Variants in RYR3 observed in about 807,000 individuals in gnomAD.
RYR3 encodes brain ryanodine receptor-calcium release channel.
A neutral mutation model predicts 584.3 loss-of-function variants in RYR3; 207 were observed. The observed-to-expected ratio is 0.35, with a 90% CI of 0.32 to 0.40. The LOEUF (loss-of-function observed/expected upper bound fraction) is 0.40, where lower values mean the gene tolerates loss of function less well. RYR3 is among the 10% of genes least tolerant of loss of function. The pLI is 1.00. For missense variants in RYR3, 5,616 were observed against 6,089.2 expected (o/e 0.92, Z 2.59); for synonymous variants, 2,416 against 2,248.5 (o/e 1.07, Z -2.11).
chr15:33,768,982 C>T (rs1410281479), intron 61 of RYR3, 130 bp from the exon 62 acceptor site: 2 of 766,254 alleles, frequency 2.6e-6, no homozygotes, highest in Admixed American at 2.0e-5. Flanking sequence ...TGTCGCTGAA[C>T]ACAGGCCCAG....
In RYR3 at chr15:33,580,061, C is replaced by A. The variant is rs374709083; in HGVS notation, c.1354C>A (p.Pro452Thr). The A allele has an allele frequency of 5.6e-5, 91 of 1,613,400 alleles. No individual in the cohort carries two copies. The African/African-American group carries it at 9.5e-4, about 17-fold the overall frequency. The change falls in exon 13 of 104, where the codon CCC (proline) becomes ACC (threonine). Residue 452 changes from proline (P) to threonine (T), a missense_variant. Coordinates refer to ENST00000634891, the MANE Select transcript of RYR3 (RefSeq NM_001036.6). Reference protein sequence around the residue: ...TLQDLIAYFQPPEEEMRHEDK... With the variant: ...TLQDLIAYFQTPEEEMRHEDK... ...ACAGGACTTGATCGCCTACTTCCAG[C>A]CCCCAGAGGAGGAGATGCGACATGA...
At chr15:33,623,724 A>C in intron 19 of RYR3, 83 bp from the exon 20 acceptor site, 2 of 958,906 alleles carry the variant, frequency 2.1e-6, no homozygotes, top group Non-Finnish European at 3.2e-6. Flanking sequence ...GGTGGGAGGT[A>C]GGGATTGATC....
At chr15:33,365,356 CTT>C in intron 1 of RYR3, among the ~76,000 whole-genome samples, 1 of 152,256 alleles carries the variant, frequency 6.6e-6, no homozygotes, top group Admixed American at 6.5e-5. Context: ...CTGATAGACT[CTT>C]TGAAAGAGTG....
At chr15:33,383,367 G>A (rs1048848392) in intron 1 of RYR3, among the ~76,000 whole-genome samples, 3 of 149,938 alleles carry the variant, frequency 2.0e-5, no homozygotes, top group African/African-American at 4.9e-5. Flanking sequence ...TTTGAGATAC[G>A]CCACACTTCG....
chr15:33,715,182 G>C (rs1017350954), intron 43 of RYR3, among the ~76,000 whole-genome samples: 1 of 152,182 alleles, frequency 6.6e-6, no homozygotes, highest in Non-Finnish European at 1.5e-5. Context: ...GGCATACAAG[G>C]TGTAGACACT....
intron 6 of RYR3, 94 bp from the exon 7 acceptor site, chr15:33,540,697 C>CTGTT: frequency 1.3e-6 from 1 of 758,548 alleles, no homozygotes; most frequent in Non-Finnish European, 2.3e-6. Flanking sequence ...GACAGTAAGG[C>CTGTT]TGTTTAATTT....
intron 36 of RYR3, 129 bp downstream of exon 36, chr15:33,663,866 C>A: frequency 1.4e-6 from 1 of 732,634 alleles, no homozygotes; most frequent in Non-Finnish European, 2.2e-6. Flanking sequence ...AGACCCACTG[C>A]AATACCAGGA....
intron 1 of RYR3, among the ~76,000 whole-genome samples, chr15:33,361,839 G>T (rs1197793181): frequency 2.0e-5 from 3 of 152,166 alleles, no homozygotes; most frequent in African/African-American, 7.2e-5. Flanking sequence ...AATTGATCCG[G>T]GATGGGGCTT....
intron 62 of RYR3, 82 bp from the exon 63 acceptor site, chr15:33,771,838 C>G: frequency 2.2e-6 from 2 of 923,744 alleles, no homozygotes; most frequent in South Asian, 3.0e-5. Context: ...AATGTCTGCC[C>G]AGATGACACT....
intron 75 of RYR3, among the ~76,000 whole-genome samples, chr15:33,817,573 C>T (rs1426498792): frequency 6.6e-6 from 1 of 152,222 alleles, no homozygotes; most frequent in Non-Finnish European, 1.5e-5. Context: ...TTACCACTCA[C>T]TCTCTCCGTT....
chr15:33,722,942 C>T, intron 44 of RYR3, 47 bp downstream of exon 44: 1 of 1,471,708 alleles, frequency 6.8e-7, no homozygotes, highest in East Asian at 2.3e-5. Flanking sequence ...TTGGTGAGCT[C>T]TCAGATATTA....
chr15:33,380,025 T>C (rs2041068371), intron 1 of RYR3, among the ~76,000 whole-genome samples: 1 of 152,160 alleles, frequency 6.6e-6, no homozygotes, highest in Admixed American at 6.5e-5. Context: ...TTATCCTACC[T>C]GCTTTGTTCT....
chr15:33,582,443 C>A (rs1265220825), intron 14 of RYR3, among the ~76,000 whole-genome samples: 3 of 152,228 alleles, frequency 2.0e-5, no homozygotes, highest in Non-Finnish European at 4.4e-5. Context: ...TACCACAGTA[C>A]TGATCAATTG....
chr15:33,514,828 C>T (rs1289935651), intron 3 of RYR3, among the ~76,000 whole-genome samples: 1 of 151,728 alleles, frequency 6.6e-6, no homozygotes, highest in South Asian at 2.1e-4. Context: ...GGTGAAACCC[C>T]ATCTCTACTA....
chr15:33,382,315 G>T (rs530236555), intron 1 of RYR3, among the ~76,000 whole-genome samples: 1,293 of 121,370 alleles, frequency 0.011, 21 homozygotes, highest in African/African-American at 0.043. Flanking sequence ...AATTTTAAAA[G>T]TGGCTTTTTT....
intron 1 of RYR3, among the ~76,000 whole-genome samples, chr15:33,314,224 TAGAC>T (rs764098823): frequency 1.1e-4 from 17 of 152,186 alleles, no homozygotes; most frequent in Non-Finnish European, 2.4e-4. Context: ...ATCAGGCAGA[TAGAC>T]AGAATCTTTA....
rs1031133898 is a variant in RYR3, at chr15:33,767,549, G to A, written c.8706-1109G>A. ...TATTGAAAACATTTAAAGGTGAGCAGGTTTTCATCCCCATCAACACTCAGG... is the reference window on the plus strand; with the variant it reads ...TATTGAAAACATTTAAAGGTGAGCAAGTTTTCATCCCCATCAACACTCAGG... On this transcript the variant is annotated intron_variant, in intron 60 of 103. Coordinates refer to ENST00000634891, the MANE Select transcript of RYR3 (RefSeq NM_001036.6). Among the ~76,000 whole-genome samples the A allele has an allele frequency of 2.2e-4, 33 of 152,060 alleles. 1 individual carries two copies.
chr15:33,562,851 A>T lies in RYR3; in HGVS notation c.987A>T (p.Lys329Asn). 1 of 1,612,424 alleles carries T rather than the reference A, an allele frequency of 6.2e-7. No individual in the cohort carries two copies. Among genetic ancestry groups the T allele is most frequent in the Non-Finnish European group, 8.5e-7 (1 of 1,178,764 alleles). The change falls in exon 11 of 104, where the codon AAA becomes AAT. Residue 329 changes from lysine to asparagine, a missense_variant. By Grantham distance (94) the Lys-to-Asn change is moderately conservative. Around this residue, in one of 9 missense-constraint regions of RYR3, gnomAD observed 1,284 missense variants for 1,344.6 expected, o/e 0.95. Coordinates refer to ENST00000634891, the MANE Select transcript of RYR3 (RefSeq NM_001036.6). ...GTATGAATTAGGAACTCAAGGAGAA[A>T]TTAGACTCCAGTCACAAGCGAGACA... ...SFRASKELKEKLDSSHKRDIE... is the reference protein window; with the variant it reads ...SFRASKELKENLDSSHKRDIE...
intron 93 of RYR3, chr15:33,847,002 C>G (rs1283815338): frequency 3.9e-5 from 6 of 152,222 alleles, no homozygotes; most frequent in African/African-American, 1.4e-4. Flanking sequence ...TGTGGAAGTT[C>G]TGTTTACGAG....
Sources: allele counts gnomAD v4.1 joint callset (sites outside exome capture counted in the v4.1 genomes callset), GRCh38; gene constraint gnomAD v4.1.1; regional missense constraint gnomAD v4.1.1; transcripts MANE v1.5; gene names NCBI Gene and HGNC (gene_info 2026-07-23, HGNC 2026-07-21).